MICAL2: variants seen among roughly 807,000 people sequenced by gnomAD.
MICAL2 encodes the protein [F-actin]-monooxygenase MICAL2.
MICAL2 carries 77 observed loss-of-function variants against 127.3 expected under a neutral mutation model. The ratio of observed to expected loss-of-function variants is 0.60; its 90% CI spans 0.50 to 0.73. The LOEUF is 0.73. Ranked by LOEUF, MICAL2 falls within the 30% of genes least tolerant of loss-of-function variation. MICAL2 has a pLI of 0.00. For synonymous variants in MICAL2, 570 were observed against 551.1 expected (o/e 1.03, Z -0.48); for missense variants, 1,351 against 1,434.4 (o/e 0.94, Z 0.94).
chr11:12,192,347 G>C (rs11022245), intron 3 of MICAL2, among the ~76,000 whole-genome samples: 7,866 of 152,214 alleles, frequency 0.052, 626 homozygotes, highest in East Asian at 0.39. Context: ...TACCCCAACA[G>C]AGGCAGTGTG....
intron 2 of MICAL2, among the ~76,000 whole-genome samples, chr11:12,159,836 C>T (rs1433207748): frequency 1.3e-5 from 2 of 152,172 alleles, no homozygotes; most frequent in Admixed American, 6.5e-5. Context: ...TAGTAGGAGG[C>T]AGTGTTTATG....
At chr11:12,293,623 C>T (rs1296038672), downstream of MICAL2, 13 of 1,613,968 alleles carry the variant, frequency 8.1e-6, no homozygotes, top group African/African-American at 1.3e-5. Context: ...CCACCCCAAA[C>T]TTTCGGAGGC....
chr11:12,232,652 G>A (rs1858454796), intron 15 of MICAL2, among the ~76,000 whole-genome samples: 1 of 152,164 alleles, frequency 6.6e-6, no homozygotes, highest in African/African-American at 2.4e-5. Flanking sequence ...AACCTGGGAG[G>A]CAGAGGTTGC....
intron 3 of MICAL2, among the ~76,000 whole-genome samples, chr11:12,187,644 G>A (rs11022243): frequency 0.2 from 30,456 of 152,202 alleles, 3,518 homozygotes; most frequent in Middle Eastern, 0.34. Flanking sequence ...TCCTTGGGCT[G>A]GAATCAGCCC....
At chr11:12,146,196 A>G (rs1000295446) in intron 2 of MICAL2, among the ~76,000 whole-genome samples, 8 of 152,176 alleles carry the variant, frequency 5.3e-5, no homozygotes, top group Non-Finnish European at 1.0e-4. Context: ...AATGGCAACA[A>G]AAGCCAAAAT....
chr11:12,162,234 G>T lies in MICAL2; in HGVS notation c.79G>T (p.Gly27Cys). Residue 27 changes from glycine (G) to cysteine (C), a missense_variant, in exon 3 of 28, where the codon GGT (glycine) becomes TGT (cysteine). Physicochemically the swap from Gly to Cys is radical, Grantham distance 159. Transcript: ENST00000683283. ...CTTTGTCCAGGCATCCACGTGCAAA[G>T]GTACCCTCCAGGCCTTCAACATTCT... ...ENFVQASTCK[G>C]TLQAFNILTR... The T allele has an allele frequency of 1.2e-6, 2 of 1,614,168 alleles. No homozygotes were observed. Among genetic ancestry groups the T allele is most frequent in the Non-Finnish European group, 1.7e-6 (2 of 1,180,034 alleles).
downstream of MICAL2, among the ~76,000 whole-genome samples, chr11:12,290,726 G>A (rs1455471750): frequency 6.6e-6 from 1 of 152,184 alleles, no homozygotes; most frequent in Non-Finnish European, 1.5e-5. Flanking sequence ...TTTCTGCGAG[G>A]CCTCCCTCTG....
chr11:12,320,884 C>T (rs966484541), intron 30 of MICAL2, among the ~76,000 whole-genome samples: 1 of 152,060 alleles, frequency 6.6e-6, no homozygotes, highest in African/African-American at 2.4e-5. Flanking sequence ...ATGAATTTCT[C>T]ATTTCTAACA....
intron 29 of MICAL2, among the ~76,000 whole-genome samples, chr11:12,315,980 A>G (rs927836051): frequency 6.6e-6 from 1 of 152,112 alleles, no homozygotes; most frequent in Non-Finnish European, 1.5e-5. Context: ...AAGTGTGCAC[A>G]TATTTAAAAT....
At chr11:12,294,409 T>G, downstream of MICAL2, 1 of 1,614,186 alleles carries the variant, frequency 6.2e-7, no homozygotes, top group South Asian at 1.1e-5. Context: ...GGGACCAGCA[T>G]TCCCCTGGGA....
At chr11:12,127,461 C>T (rs144993441) in intron 1 of MICAL2, among the ~76,000 whole-genome samples, 417 of 152,226 alleles carry the variant, frequency 2.7e-3, no homozygotes, top group African/African-American at 9.5e-3. Flanking sequence ...GAGCTAAATG[C>T]GTGGGAGGCC....
At chr11:12,328,188 A>T (rs1231674709) in intron 32 of MICAL2, among the ~76,000 whole-genome samples, 1 of 152,228 alleles carries the variant, frequency 6.6e-6, no homozygotes, top group African/African-American at 2.4e-5. Flanking sequence ...AGACATTAAA[A>T]CACTGGGTCT....
chr11:12,178,599 A>G (rs1438471688), intron 3 of MICAL2, among the ~76,000 whole-genome samples: 1 of 152,170 alleles, frequency 6.6e-6, no homozygotes, highest in African/African-American at 2.4e-5. Flanking sequence ...GTTAAGAAAA[A>G]AGGGGTTGTG....
intron 32 of MICAL2, among the ~76,000 whole-genome samples, chr11:12,348,874 T>C (rs1938999172): frequency 6.6e-6 from 1 of 152,242 alleles, no homozygotes; most frequent in Non-Finnish European, 1.5e-5. Context: ...ACATAGCCCA[T>C]CAACTGGCAT....
At position 12,165,125 on chromosome 11, in the gene MICAL2, C is replaced by T. The variant is rs9705159; in HGVS notation, c.264+2706C>T. Among the ~76,000 whole-genome samples the T allele has an allele frequency of 8.0e-4, 107 of 133,228 alleles. No homozygotes were observed. In the East Asian group the frequency reaches 0.017, roughly 21 times the overall value. 87.4% of individuals were successfully genotyped at this position (133,228 alleles called of 152,430 possible). A position where few individuals can be genotyped will look rare whatever the true frequency, so the allele number is the denominator to read the frequency against. On this transcript the variant is annotated intron_variant, in intron 3 of 27. Coordinates refer to ENST00000683283, the MANE Select transcript of MICAL2 (RefSeq NM_001282663.2). ...CTGCACTCCAGCCTGGGTGACAGAG[C>T]GAGACTCCATCTCAAAAAAAAAAAA...
intron 15 of MICAL2, among the ~76,000 whole-genome samples, chr11:12,229,501 A>T (rs931720160): frequency 2.6e-5 from 4 of 152,186 alleles, no homozygotes; most frequent in Admixed American, 1.3e-4. Context: ...CAGGCAAGCC[A>T]GTCAGTGTTT....
rs1339654643 is a variant in MICAL2 at position 12,226,992 on chromosome 11, T to A, written c.1889-33T>A. The A allele has an allele frequency of 1.9e-6, 3 of 1,542,762 alleles. No individual in the cohort carries two copies. In the East Asian group the frequency reaches 6.7e-5, roughly 35 times the overall value. ...ATAGCCATACTTCCCAGAGCCAGGT[T>A]CCAAATCACAGTTGCGCTTTATTTC... On this transcript the variant is annotated intron_variant, in intron 14 of 27. Coordinates refer to ENST00000683283, the MANE Select transcript of MICAL2 (RefSeq NM_001282663.2).
At position 12,258,586 on chromosome 11, in the gene MICAL2, C is replaced by T. The variant is rs202198849; in HGVS notation, c.3231+30C>T. On this transcript the variant is annotated intron_variant, in intron 25 of 27. Transcript: ENST00000683283. ...GTTTGTCTCAAACATGCTGGTGAAA[C>T]GGGGAAGGCCCCTTGATAAGGGTTT... 6.1e-5 allele frequency: 97 copies of T among 1,590,438 alleles called. 1 individual carries two copies. In the East Asian group the frequency reaches 8.5e-4, roughly 14 times the overall value.
chr11:12,199,154 G>A (rs1860331485), intron 3 of MICAL2, among the ~76,000 whole-genome samples: 1 of 152,254 alleles, frequency 6.6e-6, no homozygotes, highest in Non-Finnish European at 1.5e-5. Flanking sequence ...CAAAAAGAGA[G>A]TTAATAAGAG....
Sources: allele counts gnomAD v4.1 joint callset (sites outside exome capture counted in the v4.1 genomes callset), GRCh38; gene constraint gnomAD v4.1.1; transcripts MANE v1.5; gene names NCBI Gene and HGNC (gene_info 2026-07-23, HGNC 2026-07-21).